The following F2 variants were observed in gnomAD, a reference collection of about 807,000 sequenced individuals.
F2 encodes the protein prothrombin.
Under a neutral mutation model 81.9 loss-of-function variants are expected in F2, and 34 were observed. The ratio of observed to expected loss-of-function variants is 0.42; its 90% confidence interval spans 0.32 to 0.55. The LOEUF is 0.55. F2 is among the 20% of genes least tolerant of loss of function. The pLI is 0.18. For synonymous variants in F2, 296 were observed against 326.4 expected (o/e 0.91, Z 1.01); for missense variants, 630 against 833.4 (o/e 0.76, Z 3.00).
intron 4 of F2, among the ~76,000 whole-genome samples, chr11:46,721,052 T>TC (rs911083748): frequency 1.4e-5 from 2 of 147,042 alleles, no homozygotes; most frequent in African/African-American, 5.0e-5. Context: ...TGAATTAATG[T>TC]TTTTTTTTTT....
At chr11:46,725,437 C>T (rs1360712005) in intron 6 of F2, among the ~76,000 whole-genome samples, 1 of 152,144 alleles carries the variant, frequency 6.6e-6, no homozygotes, top group Admixed American at 6.5e-5. Flanking sequence ...AACCCCCATA[C>T]ACACGCACAC....
intron 12 of F2, 38 bp from the exon 13 acceptor site, chr11:46,739,010 G>C (rs2064961122): frequency 6.2e-7 from 1 of 1,608,728 alleles, no homozygotes; most frequent in African/African-American, 1.3e-5. Flanking sequence ...TGGGCTATGA[G>C]CTATGCTCCT....
intron 2 of F2, 184 bp downstream of exon 2, chr11:46,720,046 G>A: frequency 1.3e-6 from 1 of 791,882 alleles, no homozygotes; most frequent in Non-Finnish European, 2.0e-6. Context: ...GGGTCTCTGT[G>A]CCTGGACTGT....
In F2 at chr11:46,720,522, G is replaced by C. The variant is rs1324064431; in HGVS notation, c.241-1G>C. 1 of 1,614,140 alleles carries C rather than the reference G, an allele frequency of 6.2e-7. No homozygotes were observed. Among genetic ancestry groups the C allele is most frequent in the Admixed American group, 1.7e-5 (1 of 60,020 alleles). ...CCTCACTCCCAGCCCTTGTTTTTCAGGATGTGTTCTGGGCCAAGTACACAG... is the reference window on the plus strand; with the variant it reads ...CCTCACTCCCAGCCCTTGTTTTTCACGATGTGTTCTGGGCCAAGTACACAG... On this transcript the variant is annotated splice_acceptor_variant, in intron 2 of 13. Coordinates refer to ENST00000311907, the MANE Select transcript of F2 (RefSeq NM_000506.5). LOFTEE classifies it high-confidence loss of function.
At position 46,719,689 on chromosome 11, in the gene F2, C is replaced by G; in HGVS notation, c.80-13C>G. ...TGAGGCCGCTGTCCCATGACCCCCC[C>G]ACCGCCTTACAGTGTTCCTGGCTCC... is the stretch of plus-strand genomic sequence containing the variant. On this transcript the variant is annotated splice_polypyrimidine_tract_variant and intron_variant, in intron 1 of 13. Transcript: ENST00000311907. This position sits in a 1 kb window ranked among gnomAD's most constrained non-coding sequence, Gnocchi z 4.7. 1 of 1,581,988 alleles carries G rather than the reference C, an allele frequency of 6.3e-7. No homozygotes were observed. Among genetic ancestry groups the G allele is most frequent in the Non-Finnish European group, 8.6e-7 (1 of 1,165,242 alleles).
chr11:46,719,781 G>A lies in F2; in HGVS notation c.159G>A (p.Lys53=). The A allele has an allele frequency of 6.3e-7, 1 of 1,598,208 alleles. No homozygotes were observed. The highest frequency in any genetic ancestry group is 1.3e-5 in the African/African-American group (1 of 74,862). ...ACACCTTCTTGGAGGAGGTGCGCAA[G>A]GGCAACCTGGAGCGAGAGTGCGTGG... ...RANTFLEEVR[K]GNLERECVEE... Residue 53 remains lysine, a synonymous_variant, in exon 2 of 14, where the codon AAG becomes AAA. Transcript: ENST00000311907. The surrounding 1 kb of genome is among the most constrained non-coding windows in gnomAD (Gnocchi z 4.7).
At chr11:46,738,034 G>C (rs1038113196) in intron 12 of F2, among the ~76,000 whole-genome samples, 11 of 151,680 alleles carry the variant, frequency 7.3e-5, no homozygotes, top group African/African-American at 2.2e-4. Context: ...GTCTTGTTCT[G>C]TCGCTCAGGC....
intron 12 of F2, among the ~76,000 whole-genome samples, chr11:46,733,713 T>C (rs1240668600): frequency 6.6e-6 from 1 of 152,010 alleles, no homozygotes; most frequent in Non-Finnish European, 1.5e-5. Flanking sequence ...AATAGTATCT[T>C]GAAATTGTTT....
chr11:46,724,129 A>G (rs1350111188), intron 6 of F2, among the ~76,000 whole-genome samples: 1 of 152,132 alleles, frequency 6.6e-6, no homozygotes, highest in Admixed American at 6.5e-5. Context: ...TAGCCATTTC[A>G]GTCCACACAC....
At position 46,720,520 on chromosome 11, in the gene F2, C is replaced by T. The variant is rs1021728698; in HGVS notation, c.241-3C>T. The T allele has an allele frequency of 1.2e-6, 2 of 1,614,162 alleles. No individual in the cohort carries two copies. Among genetic ancestry groups the T allele is most frequent in the African/African-American group, 1.3e-5 (1 of 75,046 alleles). On this transcript the variant is annotated splice_polypyrimidine_tract_variant and splice_region_variant and intron_variant, in intron 2 of 13. Transcript: ENST00000311907. ...AGCCTCACTCCCAGCCCTTGTTTTT[C>T]AGGATGTGTTCTGGGCCAAGTACAC...
chr11:46,737,387 C>T (rs2064950409), intron 12 of F2, among the ~76,000 whole-genome samples: 1 of 151,002 alleles, frequency 6.6e-6, no homozygotes, highest in Non-Finnish European at 1.5e-5. Context: ...CATGATCCGA[C>T]TGCCTCAGCC....
chr11:46,738,594 C>A (rs1188677156), intron 12 of F2, among the ~76,000 whole-genome samples: 2 of 152,120 alleles, frequency 1.3e-5, no homozygotes, highest in East Asian at 3.9e-4. Flanking sequence ...CTCTCTTAGC[C>A]TCCCGAGTAG....
intron 12 of F2, among the ~76,000 whole-genome samples, chr11:46,730,713 G>A (rs1336347844): frequency 6.6e-6 from 1 of 151,450 alleles, no homozygotes; most frequent in Non-Finnish European, 1.5e-5. Context: ...CAGAAAAGTT[G>A]TAAAAATAAT....
intron 13 of F2, 45 bp from the exon 14 acceptor site, chr11:46,739,220 G>A (rs1316937347): frequency 3.7e-6 from 6 of 1,613,698 alleles, no homozygotes; most frequent in Non-Finnish European, 5.1e-6. Context: ...ATACTGATGT[G>A]ACCTTGAACT....
At chr11:46,720,636 G>T in intron 3 of F2, 89 bp downstream of exon 3, 1 of 1,548,230 alleles carries the variant, frequency 6.5e-7, no homozygotes, top group Non-Finnish European at 8.9e-7. Context: ...GCTGCACCTA[G>T]CCATCCACCC....
chr11:46,732,968 T>C (rs2064922516), intron 12 of F2, among the ~76,000 whole-genome samples: 1 of 152,150 alleles, frequency 6.6e-6, no homozygotes, highest in African/African-American at 2.4e-5. Flanking sequence ...ACATTGCTAG[T>C]GGGATGTCAT....
At chr11:46,727,469 G>GT (rs1338771259) in intron 9 of F2, among the ~76,000 whole-genome samples, 1 of 152,076 alleles carries the variant, frequency 6.6e-6, no homozygotes, top group Non-Finnish European at 1.5e-5. Flanking sequence ...GAAGGACCTA[G>GT]TTAGGGGGTG....
At chr11:46,729,270 G>A (rs942389145) in intron 11 of F2, 110 bp from the exon 12 acceptor site, 96 of 1,265,130 alleles carry the variant, frequency 7.6e-5, no homozygotes, top group Non-Finnish European at 1.0e-4. Context: ...GTGAACGTCT[G>A]TGCCCAGCCA....
In F2 at chr11:46,728,631, A is replaced by C; in HGVS notation, c.1299-33A>C. 6.2e-7 allele frequency: 1 copy of C among 1,613,176 alleles called. No individual in the cohort carries two copies. Among genetic ancestry groups the C allele is most frequent in the Non-Finnish European group, 8.5e-7 (1 of 1,179,332 alleles). Reference sequence around the variant, plus strand: ...CCTGCTCCTTGCTGGGTGAACCTGCAGCTTCTCCATTTCTTTCTTGGGGTC... The same window carrying C: ...CCTGCTCCTTGCTGGGTGAACCTGCCGCTTCTCCATTTCTTTCTTGGGGTC... On this transcript the variant is annotated intron_variant, in intron 10 of 13. Transcript: ENST00000311907. This position sits in a 1 kb window ranked among gnomAD's most constrained non-coding sequence, Gnocchi z 5.1.
Sources: gnomAD v4.1 joint callset for allele counts (sites outside exome capture counted in the v4.1 genomes callset) on GRCh38, gnomAD v4.1.1 for gene constraint, Gnocchi (gnomAD v3.1) non-coding constraint, MANE v1.5 for transcripts, NCBI Gene and HGNC (gene_info 2026-07-23, HGNC 2026-07-21) for gene names.